The following SRRM2 variants were observed in gnomAD, a reference collection of about 807,000 sequenced individuals.
SRRM2 encodes the protein serine/arginine repetitive matrix protein 2.
SRRM2 carries 30 observed loss-of-function variants against 213.8 expected under a neutral mutation model. The ratio of observed to expected loss-of-function variants is 0.14; its 90% confidence interval spans 0.10 to 0.19. SRRM2 has a LOEUF of 0.19. Among genes scored for constraint, SRRM2 ranks in the 10% least tolerant of loss-of-function variants. The pLI is 1.00. For missense variants in SRRM2, 4,904 were observed against 3,647.0 expected (o/e 1.34, Z -8.88); for synonymous variants, 2,025 against 1,377.7 (o/e 1.47, Z -10.40).
In SRRM2 at chr16:2,764,139, A is replaced by G; in HGVS notation, c.3611A>G (p.Asp1204Gly). The change falls in exon 11 of 15, where the codon GAC becomes GGC. Residue 1204 changes from aspartate (D) to glycine (G), a missense_variant. Physicochemically the swap from Asp to Gly is moderately conservative, Grantham distance 94. Coordinates refer to ENST00000301740, the MANE Select transcript of SRRM2 (RefSeq NM_016333.4). Reference protein sequence around the residue: ...DRPESSLVFKDTLRTPPRERS... With the variant: ...DRPESSLVFKGTLRTPPRERS... Reference sequence around the variant, plus strand: ...CCTGAGTCTTCACTGGTATTCAAAGACACACTTAGAACCCCGCCAAGGGAA... The same window carrying G: ...CCTGAGTCTTCACTGGTATTCAAAGGCACACTTAGAACCCCGCCAAGGGAA... 4.3e-6 allele frequency: 7 copies of G among 1,614,150 alleles called. No homozygotes were observed. The highest frequency in any genetic ancestry group is 5.9e-6 in the Non-Finnish European group (7 of 1,180,036).
At chr16:2,753,041 C>CG (rs1398339353) in intron 1 of SRRM2, among the ~76,000 whole-genome samples, 195 bp downstream of exon 1, 2 of 150,746 alleles carry the variant, frequency 1.3e-5, no homozygotes, top group African/African-American at 4.8e-5. Flanking sequence ...GCTTCACCCC[C>CG]CCCCGCCCCT....
chr16:2,770,462 A>C lies in SRRM2; in HGVS notation c.8132A>C (p.Gln2711Pro). 1 of 1,606,140 alleles carries C rather than the reference A, an allele frequency of 6.2e-7. No individual in the cohort carries two copies. The highest frequency in any genetic ancestry group is 8.5e-7 in the Non-Finnish European group (1 of 1,176,654). ...CCCCAGCCCTCACCACGGGACCAGC[A>C]GAGGTAAGGCCAACTGCAGGTGTCA... ...PSPQPSPRDQ[Q>P]SSSSERGSRR... is the part of the protein sequence containing the mutation. The change falls in exon 13 of 15, where the codon CAG (glutamine) becomes CCG (proline). Residue 2711 changes from glutamine to proline, a missense_variant. Gln to Pro is a moderately conservative substitution (Grantham distance 76). Transcript: ENST00000301740.
Position 2,762,411 on chromosome 16 carries a change from G to A in SRRM2, c.1883G>A (p.Arg628Gln), listed in dbSNP as rs769631122. The A allele has an allele frequency of 5.6e-6, 9 of 1,614,168 alleles. No individual in the cohort carries two copies. The highest frequency in any genetic ancestry group is 3.3e-5 in the South Asian group (3 of 91,070). ...RTPARRRSRTRSPVRRRSRSR... is the reference protein window; with the variant it reads ...RTPARRRSRTQSPVRRRSRSR... ...CCTGCTAGGCGCAGATCTAGGACCC[G>A]ATCACCAGTACGACGCAGGTCTCGT... is the stretch of plus-strand genomic sequence containing the variant. The change falls in exon 11 of 15, where the codon CGA (arginine) becomes CAA (glutamine). Residue 628 changes from arginine to glutamine, a missense_variant. By Grantham distance (43) the Arg-to-Gln change is conservative (BLOSUM62 1). Coordinates refer to ENST00000301740, the MANE Select transcript of SRRM2 (RefSeq NM_016333.4).
In SRRM2 at chr16:2,764,895, G is replaced by A; in HGVS notation, c.4367G>A (p.Arg1456Lys). The A allele has an allele frequency of 6.2e-7, 1 of 1,614,184 alleles. No homozygotes were observed. Among genetic ancestry groups the A allele is most frequent in the Non-Finnish European group, 8.5e-7 (1 of 1,180,036 alleles). Reference protein sequence around the residue: ...GLRDGSGTPSRHSLSGSSPGM... With the variant: ...GLRDGSGTPSKHSLSGSSPGM... ...AGAGATGGGTCTGGGACTCCCTCGA[G>A]GCACAGCCTGTCTGGGTCCTCTCCT... The change falls in exon 11 of 15, where the codon AGG (arginine) becomes AAG (lysine). Residue 1456 changes from arginine to lysine, a missense_variant. Transcript: ENST00000301740.
chr16:2,758,056 C>T (rs752587913), intron 4 of SRRM2, 111 bp downstream of exon 4: 150 of 1,381,682 alleles, frequency 1.1e-4, no homozygotes, highest in Non-Finnish European at 1.5e-4. Flanking sequence ...AGATTTTGTT[C>T]TTCTGAAGTT....
chr16:2,764,282 A>C lies in SRRM2; in HGVS notation c.3754A>C (p.Ile1252Leu), dbSNP rs763412595. The C allele has an allele frequency of 6.2e-7, 1 of 1,614,064 alleles. No individual in the cohort carries two copies. Among genetic ancestry groups the C allele is most frequent in the African/African-American group, 1.3e-5 (1 of 75,038 alleles). ...VEKSEEPAGQ[I>L]LSHLSSELKE... is the part of the protein sequence containing the mutation. ...GAAGTCTGAAGAACCCGCAGGCCAA[A>C]TCCTGTCTCATTTGTCTTCAGAACT... Residue 1252 changes from isoleucine (I) to leucine (L), a missense_variant, in exon 11 of 15, where the codon ATC (isoleucine) becomes CTC (leucine). Ile to Leu is a conservative substitution (Grantham distance 5). Transcript: ENST00000301740.
chr16:2,770,711 C>A lies in SRRM2; in HGVS notation c.8243C>A (p.Ser2748Tyr), dbSNP rs1237114966. ...AGCCCTCGGCCCATGAGACACCGCT[C>A]CTCCAGGTGCGTGTCCTGGAAGGCT... ...TPSPRPMRHRSSRSP is the reference protein window; with the variant it reads ...TPSPRPMRHRYSRSP Residue 2748 changes from serine (S) to tyrosine (Y), a missense_variant, in exon 14 of 15, where the codon TCC becomes TAC. Coordinates refer to ENST00000301740, the MANE Select transcript of SRRM2 (RefSeq NM_016333.4). The A allele has an allele frequency of 6.4e-7, 1 of 1,564,966 alleles. No individual in the cohort carries two copies. Among genetic ancestry groups the A allele is most frequent in the South Asian group, 1.2e-5 (1 of 85,862 alleles).
chr16:2,768,865 C>G (rs2068635217), intron 11 of SRRM2, 132 bp from the exon 12 acceptor site: 1 of 1,533,124 alleles, frequency 6.5e-7, no homozygotes, highest in Non-Finnish European at 8.8e-7. Flanking sequence ...GAATTGCTGG[C>G]TCACGTGGCT....
intron 12 of SRRM2, chr16:2,769,591 T>C: frequency 1.6e-6 from 1 of 634,568 alleles, no homozygotes; most frequent in Non-Finnish European, 2.9e-6. Context: ...AGGGCTCTGG[T>C]CTGGCCACCA....
rs79975303 is a variant in SRRM2, at chr16:2,760,398, A to G, written c.931A>G (p.Ser311Gly). ...ACGCGGGGAGGGAGATGCGCCTTTC[A>G]GTGAACCAGGTACTACCAGCACACA... ...GRRGEGDAPF[S>G]EPGTTSTQRP... Residue 311 changes from serine (S) to glycine (G), a missense_variant, in exon 10 of 15, where the codon AGT (serine) becomes GGT (glycine). Transcript: ENST00000301740. 1,098 of 1,614,194 alleles carry G rather than the reference A, an allele frequency of 6.8e-4. 12 individuals are homozygous for G. In the African/African-American group the frequency reaches 0.014, roughly 20 times the overall value.
chr16:2,756,397 G>T lies in SRRM2; in HGVS notation c.33G>T (p.Arg11=), dbSNP rs111402916. The T allele has an allele frequency of 6.8e-6, 11 of 1,608,984 alleles. No homozygotes were observed. In the South Asian group the frequency reaches 7.7e-5, roughly 11 times the overall value. Residue 11 remains arginine (R), a synonymous_variant, in exon 2 of 15, where the codon CGG becomes CGT. Coordinates refer to ENST00000301740, the MANE Select transcript of SRRM2 (RefSeq NM_016333.4). The stretch of plus-strand genomic sequence containing the variant: ...ACGGGATCGGGCTGCCGACGCCCCG[G>T]GGCAGCGGCACCAACGGCTACGTCC... MYNGIGLPTP[R]GSGTNGYVQR... is the part of the protein sequence containing the mutation.
chr16:2,762,643 A>C lies in SRRM2; in HGVS notation c.2115A>C (p.Arg705Ser), dbSNP rs142454703. Residue 705 changes from arginine (R) to serine (S), a missense_variant, in exon 11 of 15, where the codon AGA becomes AGC. Transcript: ENST00000301740. ...CAAGACGAGGAAGATCCCGCAGTAG[A>C]AGCTTAGTTAGACGTGGAAGATCTC... ...RTPRRGRSRS[R>S]SLVRRGRSHS... 2.0e-4 allele frequency: 328 copies of C among 1,614,162 alleles called. 1 individual carries two copies. In the African/African-American group the frequency reaches 3.6e-3, roughly 18 times the overall value.
At position 2,759,602 on chromosome 16, in the gene SRRM2, C is replaced by T. The variant is rs550515538; in HGVS notation, c.774C>T (p.Arg258=). The T allele has an allele frequency of 1.2e-6, 2 of 1,614,120 alleles. No individual in the cohort carries two copies. The highest frequency in any genetic ancestry group is 1.7e-6 in the Non-Finnish European group (2 of 1,180,018). ...GTACAACACCAGCCCCCAAGAGCCG[C>T]CGGGCCCACCGTTCAACTTCTGCTG... ...SRSTTPAPKS[R]RAHRSTSADS... The change falls in exon 9 of 15, where the codon CGC becomes CGT. Residue 258 remains arginine (R), a synonymous_variant. Transcript: ENST00000301740.
intron 12 of SRRM2, 51 bp downstream of exon 12, chr16:2,769,335 C>G (rs781236565): frequency 6.6e-7 from 1 of 1,520,610 alleles, no homozygotes; most frequent in Admixed American, 2.2e-5. Context: ...GTGACTTGTC[C>G]AGAGAAGGGG....
At position 2,771,097 on chromosome 16, in the gene SRRM2, G is replaced by GGGGGGGGGGGGGGGGGA; in HGVS notation, c.*230_*231insGGGGGGGGGGGGGGGGA. 3.0e-6 allele frequency: 1 copy of GGGGGGGGGGGGGGGGGA among 336,638 alleles called. No homozygotes were observed. The highest frequency in any genetic ancestry group is 5.7e-6 in the Non-Finnish European group (1 of 174,698). The allele number at this position is 336,638 out of a possible 1,614,324, so 20.9% of individuals were successfully genotyped here. A position where few individuals can be genotyped will look rare whatever the true frequency, so the allele number is the denominator to read the frequency against. On this transcript the variant is annotated 3_prime_UTR_variant, in exon 15 of 15. Transcript: ENST00000301740. ...GTTCTGGGGGGTTTGGGGTGGGAGGGAATGCAGATGGGAGTTGGGGGAGGG... is the reference window on the plus strand; with the variant it reads ...GTTCTGGGGGGTTTGGGGTGGGAGGGGGGGGGGGGGGGGGGGAAATGCAGATGGGAGTTGGGGGAGGG...
In SRRM2 at chr16:2,766,852, A is replaced by G. The variant is rs769906479; in HGVS notation, c.6324A>G (p.Ala2108=). The G allele has an allele frequency of 2.5e-6, 4 of 1,613,954 alleles. No homozygotes were observed. Among genetic ancestry groups the G allele is most frequent in the Non-Finnish European group, 3.4e-6 (4 of 1,180,016 alleles). The change falls in exon 11 of 15, where the codon GCA becomes GCG. Residue 2108 remains alanine (A), a synonymous_variant. Transcript: ENST00000301740. The surrounding 1 kb of genome is among the most constrained non-coding windows in gnomAD (Gnocchi z 7.0). ...CTGGTTCACGGACACCTCCAGTAGC[A>G]CTCAACAGTTCCAGAATGAGCTGCT... ...NHSGSRTPPV[A]LNSSRMSCFS...
In SRRM2 at chr16:2,760,519, A is replaced by T. The variant is rs775995067; in HGVS notation, c.1032+20A>T. On this transcript the variant is annotated intron_variant, in intron 10 of 14. Transcript: ENST00000301740. Reference sequence around the variant, plus strand: ...AAGGAGGTATGTTCCTGAGTTGGTGATGTTCATTGGATTGCAAATGTATAG... The same window carrying T: ...AAGGAGGTATGTTCCTGAGTTGGTGTTGTTCATTGGATTGCAAATGTATAG... 2.0e-5 allele frequency: 32 copies of T among 1,613,446 alleles called. No homozygotes were observed. The highest frequency in any genetic ancestry group is 2.6e-5 in the Non-Finnish European group (31 of 1,179,596).
chr16:2,760,608 T>A, intron 10 of SRRM2, 109 bp downstream of exon 10: 2 of 1,297,016 alleles, frequency 1.5e-6, no homozygotes, highest in Non-Finnish European at 2.1e-6. Context: ...ATAAATTCAG[T>A]TTTTTTTCCT....
intron 9 of SRRM2, 103 bp from the exon 10 acceptor site, chr16:2,760,198 G>T (rs2068289418): frequency 6.1e-6 from 7 of 1,155,422 alleles, no homozygotes; most frequent in South Asian, 2.8e-5. Flanking sequence ...TTGGAAGAGG[G>T]TTGTCCAGTT....
Sources: gnomAD v4.1 joint callset for allele counts (sites outside exome capture counted in the v4.1 genomes callset) on GRCh38, gnomAD v4.1.1 for gene constraint, Gnocchi (gnomAD v3.1) non-coding constraint, MANE v1.5 for transcripts, NCBI Gene and HGNC (gene_info 2026-07-23, HGNC 2026-07-21) for gene names.